ST6GAL1: variants seen among roughly 807,000 people sequenced by gnomAD.
The protein encoded by ST6GAL1 is beta-galactoside alpha-2,6-sialyltransferase 1.
ST6GAL1 carries 20 observed loss-of-function variants against 38.0 expected under a neutral mutation model. The observed-to-expected ratio is 0.53, with a 90% CI of 0.37 to 0.77. The LOEUF (loss-of-function observed/expected upper bound fraction) is 0.77. Among genes scored for constraint, ST6GAL1 ranks in the 30% least tolerant of loss-of-function variants. The pLI, the probability that ST6GAL1 is intolerant of heterozygous loss-of-function variation, is 0.00. For synonymous variants in ST6GAL1, 196 were observed against 188.2 expected (o/e 1.04, Z -0.34); for missense variants, 432 against 496.4 (o/e 0.87, Z 1.23).
chr3:186,938,845 A>T (rs1714058362), intron 1 of ST6GAL1, among the ~76,000 whole-genome samples: 1 of 152,308 alleles, frequency 6.6e-6, no homozygotes, highest in East Asian at 1.9e-4. Flanking sequence ...AGTACATCCC[A>T]GACATCTTAT....
intron 2 of ST6GAL1, among the ~76,000 whole-genome samples, chr3:186,998,179 A>T (rs1413859121): frequency 1.3e-5 from 2 of 152,234 alleles, no homozygotes; most frequent in East Asian, 3.8e-4. Flanking sequence ...TAAGGGCACT[A>T]GCTCCCTGTG....
chr3:186,981,375 A>T (rs1055034895), intron 2 of ST6GAL1, among the ~76,000 whole-genome samples: 5 of 152,236 alleles, frequency 3.3e-5, no homozygotes, highest in African/African-American at 1.2e-4. Context: ...TTGCTTATGT[A>T]GAAGCTCTGG....
intron 2 of ST6GAL1, among the ~76,000 whole-genome samples, chr3:187,016,201 C>G (rs1717110499): frequency 6.6e-6 from 1 of 152,176 alleles, no homozygotes; most frequent in South Asian, 2.1e-4. Context: ...TACAAAATAA[C>G]CATCTTCCAC....
At chr3:187,018,347 A>G (rs1579325696) in intron 2 of ST6GAL1, among the ~76,000 whole-genome samples, 1 of 152,208 alleles carries the variant, frequency 6.6e-6, no homozygotes, top group East Asian at 1.9e-4. Context: ...TGAATTAGCC[A>G]GGGTTCTCTA....
rs370270091 is a variant in ST6GAL1, at chr3:187,075,541, C to T, written c.980-21C>T. On this transcript the variant is annotated intron_variant, in intron 7 of 7. Transcript: ENST00000169298. The surrounding 1 kb of genome is among the most constrained non-coding windows in gnomAD (Gnocchi z 4.1). The stretch of plus-strand genomic sequence containing the variant: ...CTGGGGTGGGTTGTCAGGCATGACT[C>T]ACCTCTGCTCCCCTCTCCAGGTATC... 1.1e-5 allele frequency: 17 copies of T among 1,610,826 alleles called. No homozygotes were observed. Among genetic ancestry groups the T allele is most frequent in the African/African-American group, 1.3e-5 (1 of 74,872 alleles).
chr3:187,056,006 T>G (rs1718688053), intron 5 of ST6GAL1, among the ~76,000 whole-genome samples: 2 of 152,226 alleles, frequency 1.3e-5, no homozygotes, highest in Non-Finnish European at 2.9e-5. Flanking sequence ...TGGGTGCATA[T>G]TTATTTAGGA....
chr3:187,000,683 G>C (rs868607194), intron 2 of ST6GAL1, among the ~76,000 whole-genome samples: 1 of 152,156 alleles, frequency 6.6e-6, no homozygotes, highest in African/African-American at 2.4e-5. Context: ...TGTTCCTATG[G>C]CTAGATATTT....
chr3:187,024,057 T>C (rs1432463332), intron 2 of ST6GAL1, among the ~76,000 whole-genome samples: 1 of 151,728 alleles, frequency 6.6e-6, no homozygotes, highest in East Asian at 1.9e-4. Flanking sequence ...TATATATACA[T>C]ATATATGTTT....
chr3:187,020,526 A>T (rs955192228), intron 2 of ST6GAL1, among the ~76,000 whole-genome samples: 3 of 152,234 alleles, frequency 2.0e-5, no homozygotes, highest in African/African-American at 7.2e-5. Flanking sequence ...CCTTTGAAAC[A>T]TACATCGGCA....
chr3:186,976,059 C>T (rs1036875234), intron 2 of ST6GAL1, among the ~76,000 whole-genome samples: 7 of 152,222 alleles, frequency 4.6e-5, no homozygotes, highest in South Asian at 2.1e-4. Context: ...TCCACGGGCT[C>T]GCTAGAGTTC....
At position 187,007,704 on chromosome 3, in the gene ST6GAL1, T is replaced by C. The variant is rs1220011120; in HGVS notation, c.-182-31038T>C. Among the ~76,000 whole-genome samples, 6 of 152,122 alleles carry C rather than the reference T, an allele frequency of 3.9e-5. No homozygotes were observed. The East Asian group carries it at 1.2e-3, about 29-fold the overall frequency. On this transcript the variant is annotated intron_variant, in intron 2 of 7. Coordinates refer to ENST00000169298, the MANE Select transcript of ST6GAL1 (RefSeq NM_173216.2). ...AAACAGTACTCAAAGGAAAAGACAG[T>C]TCAATAGGCAGTAACACTGAAATGA...
intron 4 of ST6GAL1, among the ~76,000 whole-genome samples, chr3:187,045,815 A>G (rs1718274245): frequency 6.6e-6 from 1 of 152,202 alleles, no homozygotes; most frequent in African/African-American, 2.4e-5. Flanking sequence ...CTAGAGAGAA[A>G]GAGAAGGGTA....
At chr3:186,957,594 A>G (rs903972087) in intron 1 of ST6GAL1, among the ~76,000 whole-genome samples, 3 of 152,222 alleles carry the variant, frequency 2.0e-5, no homozygotes, top group African/African-American at 7.2e-5. Context: ...AGAACATTGA[A>G]AGGACATTGA....
At chr3:187,066,597 C>CGTGCGTGT (rs1553836628) in intron 5 of ST6GAL1, among the ~76,000 whole-genome samples, 7 of 117,046 alleles carry the variant, frequency 6.0e-5, no homozygotes, top group Non-Finnish European at 1.3e-4. Context: ...GATGTGCGTG[C>CGTGCGTGT]GTGCGTGTGT....
intron 5 of ST6GAL1, among the ~76,000 whole-genome samples, chr3:187,068,118 G>T (rs1167840668): frequency 6.6e-6 from 1 of 152,038 alleles, no homozygotes; most frequent in East Asian, 1.9e-4. Context: ...CGAGGCAGGT[G>T]GATCACGAGG....
chr3:187,065,797 A>C (rs556977348), intron 5 of ST6GAL1, among the ~76,000 whole-genome samples: 1 of 152,310 alleles, frequency 6.6e-6, no homozygotes, highest in African/African-American at 2.4e-5. Flanking sequence ...AGTTGATGCC[A>C]TTTGTTAAAT....
chr3:186,997,114 A>G (rs1716439943), intron 2 of ST6GAL1, among the ~76,000 whole-genome samples: 2 of 152,214 alleles, frequency 1.3e-5, no homozygotes, highest in Admixed American at 6.5e-5. Context: ...ATAGTTAAGT[A>G]ATAATATAAT....
At chr3:187,044,745 G>C (rs1718240163) in intron 4 of ST6GAL1, among the ~76,000 whole-genome samples, 2 of 152,158 alleles carry the variant, frequency 1.3e-5, no homozygotes, top group South Asian at 4.1e-4. Context: ...TGATAGCTCT[G>C]TTAATTAGAA....
At chr3:186,970,226 T>C (rs1422300935) in intron 2 of ST6GAL1, among the ~76,000 whole-genome samples, 1 of 150,588 alleles carries the variant, frequency 6.6e-6, no homozygotes, top group African/African-American at 2.4e-5. Context: ...TTTTTTTTTT[T>C]TTTTTTAAGA....
Sources: allele counts gnomAD v4.1 joint callset (sites outside exome capture counted in the v4.1 genomes callset), GRCh38; gene constraint gnomAD v4.1.1; non-coding constraint Gnocchi (gnomAD v3.1); transcripts MANE v1.5; gene names NCBI Gene and HGNC (gene_info 2026-07-23, HGNC 2026-07-21).